Variants in NAALADL2 observed in about 807,000 individuals in gnomAD.
The protein encoded by NAALADL2 is N-acetylated alpha-linked acidic dipeptidase like 2.
In NAALADL2, 76 loss-of-function variants were observed where a neutral mutation model predicts 87.2. The ratio of observed to expected loss-of-function variants is 0.87; its 90% CI spans 0.72 to 1.05. The LOEUF (loss-of-function observed/expected upper bound fraction) is 1.05, where lower values mean the gene tolerates loss of function less well. Among genes scored for constraint, NAALADL2 ranks in the 50% least tolerant of loss-of-function variants. The pLI, the probability that NAALADL2 is intolerant of heterozygous loss-of-function variation, is 0.00. For synonymous variants in NAALADL2, 354 were observed against 331.0 expected (o/e 1.07, Z -0.75); for missense variants, 1,089 against 945.8 (o/e 1.15, Z -1.99).
intron 11 of NAALADL2, among the ~76,000 whole-genome samples, chr3:175,645,184 A>G (rs1052933200): frequency 6.6e-6 from 1 of 151,944 alleles, no homozygotes; most frequent in Non-Finnish European, 1.5e-5. Flanking sequence ...TATGTCCATG[A>G]ATGTAATAAT....
chr3:174,887,426 A>G (rs1319867404), intron 1 of NAALADL2, among the ~76,000 whole-genome samples: 3 of 152,192 alleles, frequency 2.0e-5, no homozygotes, highest in African/African-American at 7.2e-5. Flanking sequence ...CACCATATAC[A>G]TTCTTCAAAT....
At chr3:175,421,373 G>A (rs139019647) in intron 5 of NAALADL2, among the ~76,000 whole-genome samples, 22 of 152,194 alleles carry the variant, frequency 1.4e-4, no homozygotes, top group Admixed American at 2.0e-4. Context: ...CTTGTGAATC[G>A]TAATTCTGGC....
intron 9 of NAALADL2, among the ~76,000 whole-genome samples, chr3:175,484,661 A>C (rs9844630): frequency 0.52 from 79,288 of 151,992 alleles, 22,711 homozygotes; most frequent in East Asian, 0.64. Flanking sequence ...TGTTTATATA[A>C]ATTGATTTAG....
intron 10 of NAALADL2, among the ~76,000 whole-genome samples, chr3:175,579,842 T>G (rs1719491078): frequency 1.3e-5 from 2 of 151,964 alleles, no homozygotes; most frequent in East Asian, 3.9e-4. Flanking sequence ...ATCAGTATTT[T>G]TATTCTCTAC....
intron 2 of NAALADL2, among the ~76,000 whole-genome samples, chr3:174,566,188 CTT>C (rs1336259051): frequency 2.0e-5 from 3 of 151,830 alleles, no homozygotes; most frequent in Non-Finnish European, 4.4e-5. Flanking sequence ...ACTCTTGTGA[CTT>C]AATTTTTTAA....
At chr3:174,939,581 C>T (rs563110149) in intron 1 of NAALADL2, among the ~76,000 whole-genome samples, 14 of 151,940 alleles carry the variant, frequency 9.2e-5, no homozygotes, top group Non-Finnish European at 1.9e-4. Flanking sequence ...AGCTTTCAAT[C>T]TGTAAATTGC....
At position 175,407,041 on chromosome 3, in the gene NAALADL2, A is replaced by C. The variant is rs6762173; in HGVS notation, c.1091-40188A>C. Among the ~76,000 whole-genome samples the C allele has an allele frequency of 2.5e-4, 38 of 151,696 alleles. No individual in the cohort carries two copies. The South Asian group carries it at 4.4e-3, about 17-fold the overall frequency. On this transcript the variant is annotated intron_variant, in intron 5 of 13. Coordinates refer to ENST00000454872, the MANE Select transcript of NAALADL2 (RefSeq NM_207015.3). The stretch of plus-strand genomic sequence containing the variant: ...ACTAAAAATAGAAAAAAAATTAGCC[A>C]GGTGTAGTGGCATGCACATGTAATC...
chr3:175,492,501 T>A (rs1447844649), intron 9 of NAALADL2, among the ~76,000 whole-genome samples: 3 of 152,198 alleles, frequency 2.0e-5, no homozygotes, highest in African/African-American at 4.8e-5. Flanking sequence ...GAAACCCACA[T>A]AATGGATCTT....
chr3:175,737,491 C>T, intron 12 of NAALADL2, 92 bp downstream of exon 12: 3 of 781,210 alleles, frequency 3.8e-6, no homozygotes, highest in Admixed American at 2.1e-5. Context: ...AATGATCTTA[C>T]TAGCCATGGC....
intron 2 of NAALADL2, among the ~76,000 whole-genome samples, chr3:175,183,360 C>T (rs543625177): frequency 1.3e-5 from 2 of 152,096 alleles, no homozygotes; most frequent in East Asian, 3.9e-4. Context: ...CTGACAAGGA[C>T]TTCCAGTACT....
intron 4 of NAALADL2, among the ~76,000 whole-genome samples, chr3:175,262,729 C>G (rs1485614824): frequency 6.6e-6 from 1 of 151,642 alleles, no homozygotes. Context: ...ATAATTTTCC[C>G]TGGTATGAAT....
intron 9 of NAALADL2, among the ~76,000 whole-genome samples, chr3:175,494,032 T>A (rs1319571312): frequency 1.3e-5 from 2 of 152,106 alleles, no homozygotes; most frequent in Non-Finnish European, 2.9e-5. Context: ...ATTACATACT[T>A]CTTGTATACA....
intron 1 of NAALADL2, among the ~76,000 whole-genome samples, chr3:174,932,351 A>G (rs1045711055): frequency 3.3e-5 from 5 of 152,218 alleles, no homozygotes; most frequent in African/African-American, 1.2e-4. Context: ...CAAGACATCA[A>G]CAACAGCAAA....
intron 2 of NAALADL2, among the ~76,000 whole-genome samples, chr3:174,602,251 T>G (rs545565747): frequency 6.6e-6 from 1 of 152,296 alleles, no homozygotes; most frequent in Admixed American, 6.5e-5. Context: ...TTCCAATCCA[T>G]GAACATGGAA....
intron 5 of NAALADL2, among the ~76,000 whole-genome samples, chr3:175,410,673 C>T (rs2065372099): frequency 6.6e-6 from 1 of 152,058 alleles, no homozygotes; most frequent in Admixed American, 6.6e-5. Context: ...ACAGTAAGCA[C>T]ATATAGCTGG....
intron 13 of NAALADL2, among the ~76,000 whole-genome samples, chr3:175,783,711 T>C (rs1393640969): frequency 6.6e-6 from 1 of 151,310 alleles, no homozygotes. Context: ...TCCTGCCTAA[T>C]TGCCCTGGCC....
intron 1 of NAALADL2, among the ~76,000 whole-genome samples, chr3:174,534,009 TA>T (rs1349148583): frequency 3.3e-5 from 5 of 152,208 alleles, no homozygotes; most frequent in Admixed American, 2.0e-4. Context: ...AATAATTTTT[TA>T]AAAAGCAAAT....
intron 2 of NAALADL2, among the ~76,000 whole-genome samples, chr3:174,580,139 T>C (rs1270860762): frequency 6.6e-6 from 1 of 152,050 alleles, no homozygotes; most frequent in Non-Finnish European, 1.5e-5. Context: ...AGGATATAAA[T>C]ACAAGTATTT....
At chr3:174,991,488 T>A (rs1489979024) in intron 1 of NAALADL2, among the ~76,000 whole-genome samples, 1 of 152,100 alleles carries the variant, frequency 6.6e-6, no homozygotes, top group African/African-American at 2.4e-5. Flanking sequence ...ATTTGATATA[T>A]GTTTTATTTA....
Sources: allele counts gnomAD v4.1 joint callset (sites outside exome capture counted in the v4.1 genomes callset), GRCh38; gene constraint gnomAD v4.1.1; transcripts MANE v1.5; gene names NCBI Gene and HGNC (gene_info 2026-07-23, HGNC 2026-07-21).